Variants in CACNA2D4 observed in about 807,000 individuals in gnomAD.
CACNA2D4 encodes calcium voltage-gated channel auxiliary subunit alpha2delta 4, also known as voltage-dependent calcium channel subunit alpha-2/delta-4.
Under a neutral mutation model 163.8 loss-of-function variants are expected in CACNA2D4, and 157 were observed. The observed-to-expected ratio is 0.96, with a 90% confidence interval of 0.84 to 1.09. The LOEUF (loss-of-function observed/expected upper bound fraction) is 1.09, where lower values mean the gene tolerates loss of function less well. CACNA2D4 is among the 50% of genes least tolerant of loss of function. The pLI is 0.00. For missense variants in CACNA2D4, 1,410 were observed against 1,479.9 expected (o/e 0.95, Z 0.78); for synonymous variants, 598 against 586.9 (o/e 1.02, Z -0.27).
At chr12:1,805,974 G>A (rs945405110) in intron 29 of CACNA2D4, among the ~76,000 whole-genome samples, 1 of 152,204 alleles carries the variant, frequency 6.6e-6, no homozygotes, top group Non-Finnish European at 1.5e-5. Context: ...GCCCCCTGAC[G>A]ACAGAGAGGG....
At chr12:1,821,095 AGTCCCGGGTGGCATAGAAACCG>A (rs1864081551) in intron 26 of CACNA2D4, among the ~76,000 whole-genome samples, 1 of 152,186 alleles carries the variant, frequency 6.6e-6, no homozygotes, top group Admixed American at 6.5e-5. Flanking sequence ...GCCAGATGAC[AGTCCCGGGTGGCATAGAAACCG>A]GTCCCTGCAG....
intron 26 of CACNA2D4, among the ~76,000 whole-genome samples, chr12:1,811,955 A>C (rs1343093009): frequency 1.3e-5 from 2 of 152,186 alleles, no homozygotes; most frequent in Non-Finnish European, 2.9e-5. Context: ...AGAGCGACAG[A>C]AAATGCCCAG....
intron 4 of CACNA2D4, 80 bp from the exon 5 acceptor site, chr12:1,908,117 T>TGA: frequency 6.9e-7 from 1 of 1,444,760 alleles, no homozygotes; most frequent in Non-Finnish European, 9.5e-7. Context: ...ACGGCGCAGG[T>TGA]GAGAGGACGA....
At position 1,844,954 on chromosome 12, in the gene CACNA2D4, T is replaced by C. The variant is rs1008018196; in HGVS notation, c.2343-425A>G. Among the ~76,000 whole-genome samples, 2 of 152,126 alleles carry C rather than the reference T, an allele frequency of 1.3e-5. No individual in the cohort carries two copies. The highest frequency in any genetic ancestry group is 2.9e-5 in the Non-Finnish European group (2 of 68,032). ...ACAGGATTGCCTCTAGGTTTTTGCA[T>C]ACATTATGAGTTTCCTTTTTTTGAG... On this transcript the variant is annotated intron_variant, in intron 24 of 37. Coordinates refer to ENST00000382722, the MANE Select transcript of CACNA2D4 (RefSeq NM_172364.5). The surrounding 1 kb of genome is among the most constrained non-coding windows in gnomAD (Gnocchi z 4.2).
chr12:1,878,079 G>A lies in CACNA2D4; in HGVS notation c.1719+236C>T, dbSNP rs7308134. Among the ~76,000 whole-genome samples the A allele has an allele frequency of 0.22, 32,913 of 152,134 alleles. 5,971 individuals carry two copies. The highest frequency in any genetic ancestry group is 0.5 in the African/African-American group (20,757 of 41,458). The stretch of plus-strand genomic sequence containing the variant: ...CTTTAGCCTCAAAACTGCACACTTC[G>A]TTACGTGCTCTCTGGCCCACTCATC... On this transcript the variant is annotated intron_variant, in intron 16 of 37. Transcript: ENST00000382722. This position sits in a 1 kb window ranked among gnomAD's most constrained non-coding sequence, Gnocchi z 4.6.
Position 1,793,564 on chromosome 12 carries a change from C to G in CACNA2D4, c.*91G>C. On this transcript the variant is annotated 3_prime_UTR_variant, in exon 38 of 38. Transcript: ENST00000382722. ...GAGCGTTGGCCTGGGGGCGACCCAA[C>G]TGCAGTTAGCTGCATCCCATGTCAG... The G allele has an allele frequency of 1.8e-6, 2 of 1,139,084 alleles. No homozygotes were observed. The highest frequency in any genetic ancestry group is 1.8e-5 in the Admixed American group (1 of 54,500). The allele number at this position is 1,139,084 out of a possible 1,614,324, so 70.6% of individuals were successfully genotyped here.
At chr12:1,808,642 C>CA (rs1429536235) in intron 29 of CACNA2D4, among the ~76,000 whole-genome samples, 9 of 152,198 alleles carry the variant, frequency 5.9e-5, no homozygotes. Context: ...TCCCAGTGTC[C>CA]AGGATGCAAG....
chr12:1,912,753 G>T (rs1866860299), intron 3 of CACNA2D4, among the ~76,000 whole-genome samples: 1 of 152,228 alleles, frequency 6.6e-6, no homozygotes, highest in South Asian at 2.1e-4. Context: ...AATGCTGCAG[G>T]CTGACCCGGC....
chr12:1,805,255 C>CG (rs1385166792), intron 29 of CACNA2D4, among the ~76,000 whole-genome samples: 1 of 152,050 alleles, frequency 6.6e-6, no homozygotes, highest in Non-Finnish European at 1.5e-5. Context: ...CAGAAGCCTG[C>CG]GGGGGAAGCA....
chr12:1,910,073 A>C, intron 3 of CACNA2D4, 108 bp from the exon 4 acceptor site: 1 of 858,244 alleles, frequency 1.2e-6, no homozygotes. Flanking sequence ...TCCTGGGTGT[A>C]TGCCCAGAAG....
At chr12:1,797,810 C>T in intron 34 of CACNA2D4, 1 of 539,428 alleles carries the variant, frequency 1.9e-6, no homozygotes, top group Non-Finnish European at 3.3e-6. Flanking sequence ...CTGGCCCTCA[C>T]TGAGCTGGGG....
In CACNA2D4 at chr12:1,802,718, C is replaced by T. The variant is rs1863381897; in HGVS notation, c.2722-1074G>A. 2.6e-5 allele frequency among the ~76,000 whole-genome samples: 4 copies of T among 152,200 alleles called. No individual in the cohort carries two copies. Among genetic ancestry groups the T allele is most frequent in the Admixed American group, 2.6e-4 (4 of 15,282 alleles). ...TCGTTAGGAGGAGAGGTCCGGGGTC[C>T]GGCTTGGCTGTTCTCCCTGCCGATT... On this transcript the variant is annotated intron_variant, in intron 29 of 37. Transcript: ENST00000382722. This position sits in a 1 kb window ranked among gnomAD's most constrained non-coding sequence, Gnocchi z 4.7.
intron 6 of CACNA2D4, among the ~76,000 whole-genome samples, chr12:1,897,570 G>A (rs920490626): frequency 9.2e-5 from 14 of 152,162 alleles, no homozygotes; most frequent in African/African-American, 3.1e-4. Context: ...CACAATAAAT[G>A]TAAATATGCT....
chr12:1,811,869 C>A (rs1439912190), intron 26 of CACNA2D4, 146 bp from the exon 27 acceptor site: 223 of 584,750 alleles, frequency 3.8e-4, no homozygotes, highest in Non-Finnish European at 5.0e-4. Context: ...GGGCAGAGTG[C>A]AAACTGGGGT....
At position 1,918,523 on chromosome 12, in the gene CACNA2D4, C is replaced by G. The variant is rs767015927; in HGVS notation, c.-50G>C. The G allele has an allele frequency of 6.8e-7, 1 of 1,461,848 alleles. No individual in the cohort carries two copies. Among genetic ancestry groups the G allele is most frequent in the Admixed American group, 2.2e-5 (1 of 46,136 alleles). 90.6% of individuals were successfully genotyped at this position (1,461,848 alleles called of 1,614,324 possible). On this transcript the variant is annotated 5_prime_UTR_variant, in exon 1 of 38. Transcript: ENST00000382722. ...ACCCCAGGACGCCCCAGGCCTTTGT[C>G]TTCCGTGCCTTGGCGAGCCTGGGGT...
chr12:1,914,811 G>T, intron 2 of CACNA2D4, 43 bp downstream of exon 2: 1 of 1,393,184 alleles, frequency 7.2e-7, no homozygotes, highest in Non-Finnish European at 1.0e-6. Flanking sequence ...ATGGCTGACT[G>T]CCCTCTGCCA....
intron 29 of CACNA2D4, among the ~76,000 whole-genome samples, chr12:1,807,065 C>T (rs1186758520): frequency 6.6e-6 from 1 of 151,878 alleles, no homozygotes. Flanking sequence ...ATAGGTTGGA[C>T]ATAGTAACTT....
rs78333436 is a variant in CACNA2D4 at position 1,827,095 on chromosome 12, C to T, written c.2551+13644G>A. Reference sequence around the variant, plus strand: ...GCTGACGCAGGGAGCCCGTGGAGGGCGAAGGAGAGGGGTGCGGGCATCCTC... The same window carrying T: ...GCTGACGCAGGGAGCCCGTGGAGGGTGAAGGAGAGGGGTGCGGGCATCCTC... On this transcript the variant is annotated intron_variant, in intron 26 of 37. Transcript: ENST00000382722. Among the ~76,000 whole-genome samples the T allele has an allele frequency of 4.0e-4, 61 of 152,294 alleles. No homozygotes were observed. The East Asian group carries it at 6.0e-3, about 15-fold the overall frequency.
rs1239525107 is a variant in CACNA2D4 at position 1,878,668 on chromosome 12, C to T, written c.1645-279G>A. On this transcript the variant is annotated intron_variant, in intron 15 of 37. Coordinates refer to ENST00000382722, the MANE Select transcript of CACNA2D4 (RefSeq NM_172364.5). The surrounding 1 kb of genome is among the most constrained non-coding windows in gnomAD (Gnocchi z 4.6). ...GCTTTGATGATGTAATCTCACTCAC[C>T]CTTACAGCAGGACTGTGTGGCACGG... Among the ~76,000 whole-genome samples, 8 of 152,206 alleles carry T rather than the reference C, an allele frequency of 5.3e-5. No homozygotes were observed. Among genetic ancestry groups the T allele is most frequent in the African/African-American group, 1.7e-4 (7 of 41,458 alleles).
Sources: allele counts gnomAD v4.1 joint callset (sites outside exome capture counted in the v4.1 genomes callset), GRCh38; gene constraint gnomAD v4.1.1; non-coding constraint Gnocchi (gnomAD v3.1); transcripts MANE v1.5; gene names NCBI Gene and HGNC (gene_info 2026-07-23, HGNC 2026-07-21).